Variants in MKLN1 observed in about 807,000 individuals in gnomAD.
MKLN1 encodes the protein muskelin 1, also known as muskelin.
MKLN1 carries 18 observed loss-of-function variants against 99.0 expected under a neutral mutation model. The observed-to-expected ratio is 0.18, with a 90% CI of 0.13 to 0.27. The LOEUF (loss-of-function observed/expected upper bound fraction) is 0.27. Among genes scored for constraint, MKLN1 ranks in the 10% least tolerant of loss-of-function variants. MKLN1 has a pLI of 1.00. For synonymous variants in MKLN1, 288 were observed against 293.2 expected, an observed-to-expected ratio of 0.98 and a Z score of 0.18; for missense variants, 621 against 875.9, an observed-to-expected ratio of 0.71 and a Z score of 3.67.
At chr7:131,442,784 A>G (rs1795879559) in intron 10 of MKLN1, among the ~76,000 whole-genome samples, 1 of 152,228 alleles carries the variant, frequency 6.6e-6, no homozygotes, top group East Asian at 1.9e-4. Flanking sequence ...CTCGTGACAA[A>G]TGGCTGTTTT....
intron 2 of MKLN1, among the ~76,000 whole-genome samples, chr7:131,153,036 T>A (rs2398760): frequency 0.096 from 14,097 of 146,542 alleles, 780 homozygotes; most frequent in South Asian, 0.26. Context: ...TATATATATT[T>A]TTTTTTTTTT....
chr7:131,397,831 A>G (rs1261127377), intron 5 of MKLN1, among the ~76,000 whole-genome samples: 2 of 152,156 alleles, frequency 1.3e-5, no homozygotes, highest in Non-Finnish European at 2.9e-5. Context: ...TAAGATGTGG[A>G]TGTGATTTAG....
chr7:131,149,195 C>G (rs954445682), intron 2 of MKLN1, among the ~76,000 whole-genome samples: 1 of 152,114 alleles, frequency 6.6e-6, no homozygotes, highest in East Asian at 1.9e-4. Context: ...TTTCTATTTT[C>G]TTGGCTTCAG....
chr7:131,184,123 C>A (rs1442519956), intron 2 of MKLN1, among the ~76,000 whole-genome samples: 2 of 151,878 alleles, frequency 1.3e-5, no homozygotes, highest in Non-Finnish European at 2.9e-5. Flanking sequence ...TCTGTGATCA[C>A]TTTTCTTTCT....
intron 2 of MKLN1, among the ~76,000 whole-genome samples, chr7:131,155,305 T>C (rs1795947279): frequency 6.6e-6 from 1 of 152,166 alleles, no homozygotes; most frequent in Non-Finnish European, 1.5e-5. Context: ...AAATAGTTTA[T>C]CCCTCCATGA....
At chr7:131,471,496 A>G (rs1796819625) in intron 16 of MKLN1, 1 of 152,450 alleles carries the variant, frequency 6.6e-6, no homozygotes, top group Non-Finnish European at 1.5e-5. Context: ...GCCAATCATT[A>G]CTTTTCAGTT....
intron 3 of MKLN1, among the ~76,000 whole-genome samples, chr7:131,213,223 A>G (rs1257736211): frequency 2.6e-5 from 4 of 152,192 alleles, no homozygotes; most frequent in African/African-American, 9.7e-5. Flanking sequence ...TGCTGTATAT[A>G]ATATTCTGCC....
At chr7:131,343,904 A>G (rs1365218929) in intron 1 of MKLN1, among the ~76,000 whole-genome samples, 2 of 152,168 alleles carry the variant, frequency 1.3e-5, no homozygotes, top group Non-Finnish European at 2.9e-5. Context: ...TTAATGAGAC[A>G]GTCTTTTGAT....
chr7:131,466,309 T>G lies in MKLN1; in HGVS notation c.1822T>G (p.Ser608Ala). The change falls in exon 15 of 18, where the codon TCT becomes GCT. Residue 608 changes from serine to alanine, a missense_variant. Ser to Ala is a moderately conservative substitution (Grantham distance 99). This residue lies in a region of MKLN1 where 126 missense variants were observed against 157.4 expected (regional missense o/e 0.80). Coordinates refer to ENST00000352689, the MANE Select transcript of MKLN1 (RefSeq NM_013255.5). The stretch of plus-strand genomic sequence containing the variant: ...CTTATTTGGTGGGAATCCAGGAAAA[T>G]CTTGCTCTCCAAAGATGAGATTAGA... The part of the protein sequence containing the change: ...HYLFGGNPGK[S>A]CSPKMRLDDF... 1 of 1,604,288 alleles carries G rather than the reference T, an allele frequency of 6.2e-7. No individual in the cohort carries two copies. The highest frequency in any genetic ancestry group is 1.1e-5 in the South Asian group (1 of 89,660).
At chr7:131,478,508 A>G in intron 16 of MKLN1, 115 bp from the exon 17 acceptor site, 2 of 1,039,066 alleles carry the variant, frequency 1.9e-6, no homozygotes, top group Non-Finnish European at 2.6e-6. Context: ...TGTCACACAT[A>G]TGCAGAAATA....
chr7:131,173,398 G>C (rs571644880), intron 2 of MKLN1, among the ~76,000 whole-genome samples: 1 of 152,260 alleles, frequency 6.6e-6, no homozygotes, highest in African/African-American at 2.4e-5. Context: ...CGGAGTCCTA[G>C]AATGATAATG....
At position 131,198,842 on chromosome 7, in the gene MKLN1, A is replaced by G. The variant is rs140864450; in HGVS notation, c.-296-4015A>G. ...CCCGTCACCTAAAAATAATATTATC[A>G]TCATAAATATTAGGGGAATATCATT... On this transcript the variant is annotated intron_variant, in intron 2 of 7. Coordinates refer to the MKLN1 transcript ENST00000416992. Among the ~76,000 whole-genome samples the G allele has an allele frequency of 4.5e-4, 68 of 152,326 alleles. No homozygotes were observed. In the East Asian group the frequency reaches 5.6e-3, roughly 13 times the overall value.
intron 3 of MKLN1, among the ~76,000 whole-genome samples, chr7:131,262,542 TTTTTC>T (rs941919014): frequency 2.0e-5 from 3 of 152,180 alleles, no homozygotes; most frequent in Admixed American, 6.5e-5. Flanking sequence ...ATTATGTTTT[TTTTTC>T]TTTTCTTTTC....
intron 2 of MKLN1, among the ~76,000 whole-genome samples, chr7:131,376,136 G>A (rs377414268): frequency 0.085 from 712 of 8,328 alleles, 2 homozygotes; most frequent in African/African-American, 0.19. Context: ...ATATATATAT[G>A]TATGATGTAT....
At chr7:131,444,670 C>T (rs2116511889) in intron 11 of MKLN1, among the ~76,000 whole-genome samples, 1 of 151,102 alleles carries the variant, frequency 6.6e-6, no homozygotes, top group East Asian at 1.9e-4. Flanking sequence ...TCACCTTAGC[C>T]CCCCAAGTAG....
intron 3 of MKLN1, among the ~76,000 whole-genome samples, chr7:131,246,643 C>T (rs534323903): frequency 4.8e-4 from 70 of 145,268 alleles, no homozygotes; most frequent in African/African-American, 1.8e-3. Context: ...TGATTTTAGT[C>T]TTTTTTTTTT....
At chr7:131,183,669 C>CCTGAAAA (rs777764853) in intron 2 of MKLN1, among the ~76,000 whole-genome samples, 1 of 152,134 alleles carries the variant, frequency 6.6e-6, no homozygotes, top group Non-Finnish European at 1.5e-5. Context: ...AATGTATGTG[C>CCTGAAAA]AGGTGCCTGA....
Position 131,464,344 on chromosome 7 carries a change from G to C in MKLN1, c.1724G>C (p.Ser575Thr). Residue 575 changes from serine (S) to threonine (T), a missense_variant, in exon 14 of 18, where the codon AGT (serine) becomes ACT (threonine). Coordinates refer to ENST00000352689, the MANE Select transcript of MKLN1 (RefSeq NM_013255.5). ...DQAAKDNPTK[S>T]LQEEEPCPRF... ...GCTGCAAAGGATAATCCAACTAAAA[G>C]TCTTCAGGAAGAAGAACCATGTCCA... 1 of 1,613,682 alleles carries C rather than the reference G, an allele frequency of 6.2e-7. No homozygotes were observed. Among genetic ancestry groups the C allele is most frequent in the East Asian group, 2.2e-5 (1 of 44,806 alleles).
chr7:131,425,957 G>A (rs1229388518), intron 8 of MKLN1, among the ~76,000 whole-genome samples: 1 of 152,244 alleles, frequency 6.6e-6, no homozygotes. Flanking sequence ...TAAATAATTA[G>A]ATGAATTAAT....
Sources: allele counts gnomAD v4.1 joint callset (sites outside exome capture counted in the v4.1 genomes callset), GRCh38; gene constraint gnomAD v4.1.1; regional missense constraint gnomAD v4.1.1; transcripts MANE v1.5; gene names NCBI Gene and HGNC (gene_info 2026-07-23, HGNC 2026-07-21).